FH: variants seen among roughly 807,000 people sequenced by gnomAD.
FH encodes the protein fumarate hydratase.
FH carries 22 observed loss-of-function variants against 49.4 expected under a neutral mutation model. The ratio of observed to expected loss-of-function variants is 0.45; its 90% CI spans 0.32 to 0.64. The LOEUF is 0.64. Among genes scored for constraint, FH ranks in the 30% least tolerant of loss-of-function variants. FH has a pLI of 0.05. For missense variants in FH, 526 were observed against 641.5 expected, an observed-to-expected ratio of 0.82 and a Z score of 1.95; for synonymous variants, 208 against 223.0, an observed-to-expected ratio of 0.93 and a Z score of 0.60.
intron 9 of FH, 75 bp downstream of exon 9, chr1:241,500,362 C>T: frequency 7.1e-7 from 1 of 1,407,358 alleles, no homozygotes; most frequent in Non-Finnish European, 1.0e-6. Context: ...AAACACTGAT[C>T]CACTTGTCTC....
intron 3 of FH, among the ~76,000 whole-genome samples, chr1:241,512,762 A>G (rs902331793): frequency 2.6e-5 from 4 of 152,228 alleles, no homozygotes; most frequent in African/African-American, 9.6e-5. Context: ...ACTTTAAAAT[A>G]AAACTTTTTT....
intron 4 of FH, among the ~76,000 whole-genome samples, chr1:241,509,807 ACACACACACACACACACGCATG>A (rs1660035057): frequency 6.6e-6 from 1 of 151,690 alleles, no homozygotes; most frequent in South Asian, 2.1e-4. Flanking sequence ...ACACACACAC[ACACACACACACACACACGCATG>A]CACACACACA....
rs114407675 is a variant in FH at position 241,511,111 on chromosome 1, C to T, written c.555+856G>A. ...GGTCACTGCTATGTGAAATCCTAAC[C>T]CCTAGGGTAATAGTATTAGGAGATG... On this transcript the variant is annotated intron_variant, in intron 4 of 9. Transcript: ENST00000366560. 7.7e-3 allele frequency among the ~76,000 whole-genome samples: 1,167 copies of T among 152,258 alleles called. 15 individuals carry two copies. Among genetic ancestry groups the T allele is most frequent in the African/African-American group, 0.027 (1,105 of 41,542 alleles).
At chr1:241,517,365 T>C (rs749381898) in intron 1 of FH, 49 bp from the exon 2 acceptor site, 24 of 1,603,644 alleles carry the variant, frequency 1.5e-5, no homozygotes, top group Non-Finnish European at 2.0e-5. Flanking sequence ...AAACCCAGGA[T>C]CAAAAGTAAT....
In FH at chr1:241,513,588, C is replaced by T. The variant is rs748766342; in HGVS notation, c.378+15G>A. On this transcript the variant is annotated intron_variant, in intron 3 of 9. Coordinates refer to ENST00000366560, the MANE Select transcript of FH (RefSeq NM_000143.4). ...GGTCTGAGGTTATTAAGCAAACACA[C>T]TTATCACCTCCTACCTCATCTGCTG... 5.7e-6 allele frequency: 9 copies of T among 1,581,372 alleles called. No individual in the cohort carries two copies. The highest frequency in any genetic ancestry group is 3.3e-5 in the Admixed American group (2 of 59,966).
chr1:241,499,810 T>C (rs1384484817), intron 9 of FH, among the ~76,000 whole-genome samples: 1 of 152,230 alleles, frequency 6.6e-6, no homozygotes. Context: ...GTTTATTTAA[T>C]GGAGATCTCT....
At chr1:241,516,302 A>G (rs1427406863) in intron 2 of FH, among the ~76,000 whole-genome samples, 1 of 152,240 alleles carries the variant, frequency 6.6e-6, no homozygotes, top group Non-Finnish European at 1.5e-5. Context: ...AGTTGTATAT[A>G]TCCACCATGG....
intron 2 of FH, among the ~76,000 whole-genome samples, chr1:241,516,492 ACAGGGGCCTGTGGGC>A (rs1351384688): frequency 6.6e-6 from 1 of 152,132 alleles, no homozygotes; most frequent in African/African-American, 2.4e-5. Context: ...AACAAAGCAC[ACAGGGGCCTGTGGGC>A]GGAGGGGGAG....
intron 3 of FH, among the ~76,000 whole-genome samples, chr1:241,512,884 C>T (rs1225506055): frequency 6.6e-6 from 1 of 151,538 alleles, no homozygotes; most frequent in Non-Finnish European, 1.5e-5. Context: ...ATGTTGGCAT[C>T]CCCAGTCTCT....
At chr1:241,517,524 G>T (rs1380130205) in intron 1 of FH, among the ~76,000 whole-genome samples, 1 of 152,138 alleles carries the variant, frequency 6.6e-6, no homozygotes. Flanking sequence ...AGGCTTTAAA[G>T]ACAGACTGTA....
chr1:241,500,674 CAT>C (rs1307377924), intron 8 of FH, 84 bp from the exon 9 acceptor site: 14 of 1,558,666 alleles, frequency 9.0e-6, no homozygotes, highest in Admixed American at 3.5e-5. Flanking sequence ...TGTCCAATAA[CAT>C]ATTATTTTCT....
intron 8 of FH, among the ~76,000 whole-genome samples, chr1:241,502,021 T>C (rs917941884): frequency 2.0e-5 from 3 of 152,192 alleles, no homozygotes; most frequent in Admixed American, 6.5e-5. Context: ...AGGGAAGAAC[T>C]AACTGCGCAA....
intron 6 of FH, among the ~76,000 whole-genome samples, chr1:241,505,217 A>G (rs1417258514): frequency 6.6e-6 from 1 of 151,894 alleles, no homozygotes; most frequent in African/African-American, 2.4e-5. Flanking sequence ...GGCCCCTAAT[A>G]CAATTTTTTA....
intron 1 of FH, among the ~76,000 whole-genome samples, chr1:241,517,532 G>A (rs1346483099): frequency 6.6e-6 from 1 of 152,152 alleles, no homozygotes; most frequent in Non-Finnish European, 1.5e-5. Flanking sequence ...AAGACAGACT[G>A]TAGAACTAAT....
In FH at chr1:241,518,348, CCA is replaced by C. The variant is rs1170250506; in HGVS notation, c.133-1034_133-1033del. On this transcript the variant is annotated intron_variant, in intron 1 of 9. Transcript: ENST00000366560. ...TCAACAGGATAGATTCAGAAGTTCTCCAGTCTGCTTCCCTTTACAAAACACTA... is the reference window on the plus strand; with the variant it reads ...TCAACAGGATAGATTCAGAAGTTCTCGTCTGCTTCCCTTTACAAAACACTA... Among the ~76,000 whole-genome samples, 5 of 152,284 alleles carry C rather than the reference CCA, an allele frequency of 3.3e-5. No individual in the cohort carries two copies. The East Asian group carries it at 7.7e-4, about 23-fold the overall frequency.
At position 241,508,702 on chromosome 1, in the gene FH, C is replaced by T. The variant is rs377222193; in HGVS notation, c.639G>A (p.Lys213=). 1.9e-6 allele frequency: 3 copies of T among 1,613,512 alleles called. No homozygotes were observed. Among genetic ancestry groups the T allele is most frequent in the African/African-American group, 1.3e-5 (1 of 74,910 alleles). The change falls in exon 5 of 10, where the codon AAG becomes AAA. Residue 213 remains lysine, a synonymous_variant. Transcript: ENST00000366560. The stretch of plus-strand genomic sequence containing the variant: ...ATTTTGCATCAAGAGCATCATGTAA[C>T]TTCTGTAGTCCTGGTAACAGTACTT... ...VHEVLLPGLQ[K]LHDALDAKSK... is the part of the protein sequence containing the mutation.
At position 241,519,456 on chromosome 1, in the gene FH, G is replaced by C. The variant is rs955622273; in HGVS notation, c.132+135C>G. 2.6e-4 allele frequency: 290 copies of C among 1,098,366 alleles called. 1 individual carries two copies. Among genetic ancestry groups the C allele is most frequent in the Middle Eastern group, 6.2e-4 (2 of 3,252 alleles). The allele number at this position is 1,098,366 out of a possible 1,614,324, so 68.0% of individuals were successfully genotyped here. On this transcript the variant is annotated intron_variant, in intron 1 of 9. Transcript: ENST00000366560. ...GCCGGGAGGCCCGCCACGCCGGCAC[G>C]GGCGCTAAGCCCAGAGTCTGGCGCG...
At chr1:241,508,121 A>C (rs1659976167) in intron 5 of FH, among the ~76,000 whole-genome samples, 1 of 152,178 alleles carries the variant, frequency 6.6e-6, no homozygotes, top group Non-Finnish European at 1.5e-5. Context: ...TTAGGTAAGA[A>C]AGACAAAAGA....
intron 6 of FH, among the ~76,000 whole-genome samples, chr1:241,505,323 G>A (rs1659883513): frequency 6.6e-6 from 1 of 152,116 alleles, no homozygotes; most frequent in African/African-American, 2.4e-5. Flanking sequence ...TGAGTTAGAT[G>A]TTCTCAGTTA....
Sources: allele counts gnomAD v4.1 joint callset (sites outside exome capture counted in the v4.1 genomes callset), GRCh38; gene constraint gnomAD v4.1.1; transcripts MANE v1.5; gene names NCBI Gene and HGNC (gene_info 2026-07-23, HGNC 2026-07-21).